DCC: variants seen among roughly 807,000 people sequenced by gnomAD.
The protein encoded by DCC is netrin receptor DCC.
DCC carries 58 observed loss-of-function variants against 172.5 expected under a neutral mutation model. The observed-to-expected ratio is 0.34, with a 90% CI of 0.27 to 0.42. The LOEUF (loss-of-function observed/expected upper bound fraction) is 0.42, where lower values mean the gene tolerates loss of function less well. DCC is among the 10% of genes least tolerant of loss of function. The pLI, the probability that DCC is intolerant of heterozygous loss-of-function variation, is 1.00. For synonymous variants in DCC, 709 were observed against 644.5 expected (o/e 1.10, Z -1.52); for missense variants, 1,740 against 1,791.0 (o/e 0.97, Z 0.51).
intron 17 of DCC, among the ~76,000 whole-genome samples, chr18:53,392,115 T>C (rs1188098160): frequency 1.3e-5 from 2 of 152,182 alleles, no homozygotes; most frequent in African/African-American, 2.4e-5. Flanking sequence ...AAACGTTATT[T>C]GCTTTTCACC....
chr18:53,339,515 T>C (rs1007408790), intron 14 of DCC, among the ~76,000 whole-genome samples, 198 bp from the exon 15 acceptor site: 1 of 152,196 alleles, frequency 6.6e-6, no homozygotes, highest in Non-Finnish European at 1.5e-5. Context: ...TCGGTATTCT[T>C]GTATGCTTAA....
At chr18:52,732,648 G>A (rs958780172) in intron 1 of DCC, among the ~76,000 whole-genome samples, 2 of 152,082 alleles carry the variant, frequency 1.3e-5, no homozygotes, top group African/African-American at 4.8e-5. Flanking sequence ...GCAGACCTCT[G>A]ATATAGAGAA....
At chr18:53,495,757 C>G (rs1016989995) in intron 26 of DCC, among the ~76,000 whole-genome samples, 10 of 152,220 alleles carry the variant, frequency 6.6e-5, no homozygotes, top group South Asian at 2.1e-4. Context: ...GTACACCAAT[C>G]AGACGTAGAT....
At chr18:53,303,640 C>G (rs1240625312) in intron 12 of DCC, among the ~76,000 whole-genome samples, 2 of 152,102 alleles carry the variant, frequency 1.3e-5, no homozygotes, top group Middle Eastern at 3.2e-3. Flanking sequence ...CCCTCAAACC[C>G]CTTATGGGAC....
intron 5 of DCC, among the ~76,000 whole-genome samples, chr18:53,058,191 T>C (rs976095290): frequency 5.9e-5 from 9 of 152,068 alleles, no homozygotes; most frequent in Admixed American, 1.3e-4. Flanking sequence ...TATTAAATCA[T>C]CCTAAAGAGC....
chr18:52,994,858 A>G (rs563660681), intron 5 of DCC, among the ~76,000 whole-genome samples: 16 of 152,248 alleles, frequency 1.1e-4, no homozygotes, highest in African/African-American at 3.6e-4. Context: ...GGGCATACGT[A>G]TGGTTAAAGA....
chr18:52,780,060 CT>C (rs2145183159), intron 2 of DCC, among the ~76,000 whole-genome samples: 1 of 151,132 alleles, frequency 6.6e-6, no homozygotes, highest in East Asian at 1.9e-4. Flanking sequence ...TCATCGTGGC[CT>C]TTTATACCTT....
At chr18:53,325,157 C>A (rs979517821) in intron 14 of DCC, among the ~76,000 whole-genome samples, 1 of 140,056 alleles carries the variant, frequency 7.1e-6, no homozygotes, top group Non-Finnish European at 1.5e-5. Context: ...TGTGCCACTG[C>A]ACTCCAGCCT....
intron 2 of DCC, among the ~76,000 whole-genome samples, chr18:52,846,929 A>G (rs2038903388): frequency 6.6e-6 from 1 of 152,072 alleles, no homozygotes; most frequent in Admixed American, 6.5e-5. Flanking sequence ...TATAGGGAAT[A>G]TTTCATGGAT....
At chr18:53,376,440 C>A (rs1287461912) in intron 15 of DCC, among the ~76,000 whole-genome samples, 1 of 152,128 alleles carries the variant, frequency 6.6e-6, no homozygotes, top group Non-Finnish European at 1.5e-5. Context: ...GCACAGTATG[C>A]ATGAGTTTGC....
At chr18:53,381,767 T>C (rs1176797865) in intron 15 of DCC, among the ~76,000 whole-genome samples, 3 of 151,970 alleles carry the variant, frequency 2.0e-5, no homozygotes, top group Non-Finnish European at 4.4e-5. Flanking sequence ...AGAGAGATAG[T>C]TTTTCCAGGA....
rs34921467 is a variant in DCC, at chr18:53,212,292, T to C, written c.1862-3256T>C. On this transcript the variant is annotated intron_variant, in intron 11 of 28. Transcript: ENST00000442544. ...CCTATTTATTATAAATAATAAATTA[T>C]TTGACATTTTGAAGAGAAAAGTGTT... Among the ~76,000 whole-genome samples the C allele has an allele frequency of 1.3e-3, 205 of 152,284 alleles. 2 individuals are homozygous for C. The highest frequency in any genetic ancestry group is 0.012 in the South Asian group (58 of 4,824).
At chr18:53,460,056 G>GAAAAAA (rs55871112) in intron 24 of DCC, among the ~76,000 whole-genome samples, 6 of 75,976 alleles carry the variant, frequency 7.9e-5, no homozygotes, top group African/African-American at 2.9e-4. Context: ...AAAGGGATCT[G>GAAAAAA]AAAAAAAAAA....
chr18:52,354,894 C>G (rs1263959478), intron 1 of DCC, among the ~76,000 whole-genome samples: 1 of 152,038 alleles, frequency 6.6e-6, no homozygotes, highest in African/African-American at 2.4e-5. Context: ...ATGTTATTGG[C>G]AGCATTTCAG....
chr18:52,848,185 G>A (rs112991577), intron 2 of DCC, among the ~76,000 whole-genome samples: 4,028 of 149,526 alleles, frequency 0.027, 161 homozygotes, highest in African/African-American at 0.09. Context: ...TCCCAGGTTC[G>A]ATAGATTCTC....
At chr18:52,906,377 GTTGAAAAACAATT>G in intron 3 of DCC, 49 bp downstream of exon 3, 1 of 1,592,066 alleles carries the variant, frequency 6.3e-7, no homozygotes, top group Non-Finnish European at 8.6e-7. Flanking sequence ...TCTGGAATAA[GTTGAAAAACAATT>G]TTTTTCTTTA....
chr18:52,636,092 G>C (rs1217287422), intron 1 of DCC, among the ~76,000 whole-genome samples: 1 of 152,166 alleles, frequency 6.6e-6, no homozygotes, highest in Non-Finnish European at 1.5e-5. Context: ...AGAAGCTGAA[G>C]TTCTGTTTGC....
chr18:52,474,996 A>C (rs1287232754), intron 1 of DCC, among the ~76,000 whole-genome samples: 3 of 152,196 alleles, frequency 2.0e-5, no homozygotes, highest in Admixed American at 2.0e-4. Flanking sequence ...GAGCTTCTTC[A>C]ATTTGCATAA....
rs139589589 is a variant in DCC, at chr18:52,680,128, C to T, written c.92-71926C>T. Among the ~76,000 whole-genome samples, 785 of 152,178 alleles carry T rather than the reference C, an allele frequency of 5.2e-3. 2 individuals carry two copies. The highest frequency in any genetic ancestry group is 8.0e-3 in the Non-Finnish European group (543 of 67,994). ...ACATTTTCTGGGTGCCCATTGGGTTCTTGGGACTGAGCAGTGATGTTACAG... is the reference window on the plus strand; with the variant it reads ...ACATTTTCTGGGTGCCCATTGGGTTTTTGGGACTGAGCAGTGATGTTACAG... On this transcript the variant is annotated intron_variant, in intron 1 of 28. Coordinates refer to ENST00000442544, the MANE Select transcript of DCC (RefSeq NM_005215.4).
Sources: gnomAD v4.1 joint callset for allele counts (sites outside exome capture counted in the v4.1 genomes callset) on GRCh38, gnomAD v4.1.1 for gene constraint, MANE v1.5 for transcripts, NCBI Gene and HGNC (gene_info 2026-07-23, HGNC 2026-07-21) for gene names.